ZDHHC3: variants seen among roughly 807,000 people sequenced by gnomAD.
ZDHHC3 encodes palmitoyltransferase ZDHHC3.
ZDHHC3 carries 9 observed loss-of-function variants against 30.6 expected under a neutral mutation model. The observed-to-expected ratio is 0.29, with a 90% confidence interval of 0.18 to 0.51. The LOEUF (loss-of-function observed/expected upper bound fraction) is 0.51, where lower values mean the gene tolerates loss of function less well. ZDHHC3 is among the 20% of genes least tolerant of loss of function. The pLI is 0.97. For missense variants in ZDHHC3, 246 were observed against 384.2 expected (o/e 0.64, Z 3.01); for synonymous variants, 136 against 140.2 (o/e 0.97, Z 0.21).
intron 2 of ZDHHC3, 153 bp from the exon 3 acceptor site, chr3:44,945,445 T>A (rs931544545): frequency 1.8e-6 from 2 of 1,123,454 alleles, no homozygotes; most frequent in Admixed American, 5.1e-5. Flanking sequence ...TGTTCAGAAT[T>A]ATGCCAACAT....
At chr3:44,939,592 A>C (rs1251696339) in intron 3 of ZDHHC3, among the ~76,000 whole-genome samples, 2 of 152,244 alleles carry the variant, frequency 1.3e-5, no homozygotes, top group African/African-American at 4.8e-5. Context: ...TATTTTTAAA[A>C]GGGTTTTCAA....
intron 2 of ZDHHC3, among the ~76,000 whole-genome samples, chr3:44,956,457 T>G (rs955338918): frequency 6.6e-6 from 1 of 152,162 alleles, no homozygotes; most frequent in African/African-American, 2.4e-5. Context: ...CTCTCCAATC[T>G]CTCTCCATTC....
At position 44,921,301 on chromosome 3, in the gene ZDHHC3, G is replaced by GT; in HGVS notation, c.*5387dup. The GT allele has an allele frequency of 1.0e-6, 1 of 985,384 alleles. No individual in the cohort carries two copies. The highest frequency in any genetic ancestry group is 1.2e-6 in the Non-Finnish European group (1 of 829,922). The allele number at this position is 985,384 out of a possible 1,614,324, so 61.0% of individuals were successfully genotyped here. On this transcript the variant is annotated 3_prime_UTR_variant, in exon 7 of 7. Coordinates refer to ENST00000424952, the MANE Select transcript of ZDHHC3 (RefSeq NM_001135179.2). ...GAGAACAGGCTGTTCCCTGCTCCCTGTATCATCAGATGTAGAAAGCCAGAG... is the reference window on the plus strand; with the variant it reads ...GAGAACAGGCTGTTCCCTGCTCCCTGTTATCATCAGATGTAGAAAGCCAGAG...
chr3:44,923,724 GC>G lies in ZDHHC3; in HGVS notation c.*2964del, dbSNP rs1312020515. 1.2e-6 allele frequency: 1 copy of G among 864,054 alleles called. No homozygotes were observed. Among genetic ancestry groups the G allele is most frequent in the Non-Finnish European group, 1.4e-6 (1 of 719,556 alleles). The allele number at this position is 864,054 out of a possible 1,614,324, so 53.5% of individuals were successfully genotyped here. A position where few individuals can be genotyped will look rare whatever the true frequency, so the allele number is the denominator to read the frequency against. The stretch of plus-strand genomic sequence containing the variant: ...AGGCCAAGGCACAAGAATCACTTGA[GC>G]CCAGGAGTTCAAGGCTGCAGTGAGC... On this transcript the variant is annotated 3_prime_UTR_variant, in exon 7 of 7. Transcript: ENST00000424952.
rs1700276080 is a variant in ZDHHC3, at chr3:44,917,684, T to A, written c.*9005A>T. ...TAGATGAACTCTGAGAAAGCCCCCA[T>A]CCTCCTCTGATGTCCCCAGCCTACT... On this transcript the variant is annotated 3_prime_UTR_variant, in exon 7 of 7. Transcript: ENST00000424952. 2.5e-6 allele frequency: 1 copy of A among 404,696 alleles called. No individual in the cohort carries two copies. Among genetic ancestry groups the A allele is most frequent in the Non-Finnish European group, 4.4e-6 (1 of 225,790 alleles). 25.1% of individuals were successfully genotyped at this position (404,696 alleles called of 1,614,324 possible). A position where few individuals can be genotyped will look rare whatever the true frequency, so the allele number is the denominator to read the frequency against.
At chr3:44,964,193 CA>C (rs1704729454) in intron 1 of ZDHHC3, among the ~76,000 whole-genome samples, 1 of 152,004 alleles carries the variant, frequency 6.6e-6, no homozygotes, top group Non-Finnish European at 1.5e-5. Flanking sequence ...ATGAATAGCA[CA>C]AAAAAGGGAC....
intron 1 of ZDHHC3, among the ~76,000 whole-genome samples, chr3:44,970,510 T>C (rs1705321211): frequency 6.6e-6 from 1 of 152,244 alleles, no homozygotes; most frequent in Non-Finnish European, 1.5e-5. Context: ...ATCACGCTGA[T>C]TGCTAGGGCC....
chr3:44,972,261 G>A (rs1289386220), intron 1 of ZDHHC3, among the ~76,000 whole-genome samples: 1 of 152,158 alleles, frequency 6.6e-6, no homozygotes, highest in African/African-American at 2.4e-5. Context: ...CCAGGAGTTC[G>A]AGACCAGCCT....
rs1700811524 is a variant in ZDHHC3 at position 44,924,199 on chromosome 3, C to T, written c.*2490G>A. 1 of 985,436 alleles carries T rather than the reference C, an allele frequency of 1.0e-6. No individual in the cohort carries two copies. Among genetic ancestry groups the T allele is most frequent in the African/African-American group, 1.7e-5 (1 of 57,362 alleles). The allele number at this position is 985,436 out of a possible 1,614,324, so 61.0% of individuals were successfully genotyped here. A position where few individuals can be genotyped will look rare whatever the true frequency, so the allele number is the denominator to read the frequency against. Reference sequence around the variant, plus strand: ...GGCTGACTTTGTGTAGAAAGATGTCCTCTTTCATTACATCCGGAAATACTG... The same window carrying T: ...GGCTGACTTTGTGTAGAAAGATGTCTTCTTTCATTACATCCGGAAATACTG... On this transcript the variant is annotated 3_prime_UTR_variant, in exon 7 of 7. Transcript: ENST00000424952.
chr3:44,915,355 C>T lies in ZDHHC3; in HGVS notation c.*11334G>A, dbSNP rs777706125. 1 of 152,204 alleles carries T rather than the reference C, an allele frequency of 6.6e-6. No homozygotes were observed. Among genetic ancestry groups the T allele is most frequent in the Non-Finnish European group, 1.5e-5 (1 of 68,054 alleles). The allele number at this position is 152,204 out of a possible 1,614,324, so 9.4% of individuals were successfully genotyped here. On this transcript the variant is annotated 3_prime_UTR_variant, in exon 7 of 7. Coordinates refer to ENST00000424952, the MANE Select transcript of ZDHHC3 (RefSeq NM_001135179.2). The stretch of plus-strand genomic sequence containing the variant: ...TCTCATCTGGTTTTGACATCAGTTG[C>T]AATGCTTTCAGTCTGAGGCTAAGCA...
chr3:44,917,638 C>T lies in ZDHHC3; in HGVS notation c.*9051G>A, dbSNP rs1700272498. 6.3e-6 allele frequency: 2 copies of T among 316,624 alleles called. No individual in the cohort carries two copies. Among genetic ancestry groups the T allele is most frequent in the African/African-American group, 2.2e-5 (1 of 46,286 alleles). 19.6% of individuals were successfully genotyped at this position (316,624 alleles called of 1,614,324 possible). On this transcript the variant is annotated 3_prime_UTR_variant, in exon 7 of 7. Transcript: ENST00000424952. ...TCTTGGAGAACGGTTCTTGATGAGCCGTCTCAGTGCAGACTCTTCTTAGAT... is the reference window on the plus strand; with the variant it reads ...TCTTGGAGAACGGTTCTTGATGAGCTGTCTCAGTGCAGACTCTTCTTAGAT...
intron 2 of ZDHHC3, among the ~76,000 whole-genome samples, chr3:44,945,954 C>T (rs563137534): frequency 6.6e-6 from 1 of 152,258 alleles, no homozygotes; most frequent in Admixed American, 6.5e-5. Context: ...TCCATTCTCT[C>T]CTATATAACA....
At chr3:44,966,461 G>C (rs570929944) in intron 1 of ZDHHC3, among the ~76,000 whole-genome samples, 1 of 152,042 alleles carries the variant, frequency 6.6e-6, no homozygotes, top group Non-Finnish European at 1.5e-5. Context: ...ACTGAAAGAG[G>C]GTAGCATCTT....
chr3:44,975,630 C>T (rs568397581), intron 1 of ZDHHC3: 2 of 152,406 alleles, frequency 1.3e-5, no homozygotes, highest in East Asian at 3.9e-4. Flanking sequence ...CCAAGAACTA[C>T]CTAGGGAGGG....
In ZDHHC3 at chr3:44,922,596, A is replaced by T; in HGVS notation, c.*4093T>A. ...ACCCCAACTGCACTATGCTGAGCCC[A>T]GCAGCACACAAGACCCATATCACCA... is the stretch of plus-strand genomic sequence containing the variant. On this transcript the variant is annotated 3_prime_UTR_variant, in exon 7 of 7. Transcript: ENST00000424952. 6.1e-6 allele frequency: 6 copies of T among 985,400 alleles called. No individual in the cohort carries two copies. The highest frequency in any genetic ancestry group is 7.2e-6 in the Non-Finnish European group (6 of 829,926). The allele number at this position is 985,400 out of a possible 1,614,324, so 61.0% of individuals were successfully genotyped here.
intron 2 of ZDHHC3, among the ~76,000 whole-genome samples, chr3:44,952,865 A>T (rs1263408981): frequency 6.6e-6 from 1 of 152,234 alleles, no homozygotes; most frequent in Non-Finnish European, 1.5e-5. Flanking sequence ...CACAGCTTGT[A>T]TGTATAGTAT....
At chr3:44,929,705 A>G (rs1701321192) in intron 5 of ZDHHC3, among the ~76,000 whole-genome samples, 1 of 152,124 alleles carries the variant, frequency 6.6e-6, no homozygotes, top group South Asian at 2.1e-4. Flanking sequence ...CACTGCCCCC[A>G]GTGCCAAGCA....
Position 44,916,534 on chromosome 3 carries a change from C to A in ZDHHC3, c.*10155G>T, listed in dbSNP as rs1359240120. 6.6e-6 allele frequency: 1 copy of A among 152,454 alleles called. No individual in the cohort carries two copies. Among genetic ancestry groups the A allele is most frequent in the Non-Finnish European group, 1.5e-5 (1 of 68,240 alleles). 9.4% of individuals were successfully genotyped at this position (152,454 alleles called of 1,614,324 possible). On this transcript the variant is annotated 3_prime_UTR_variant, in exon 7 of 7. Transcript: ENST00000424952. ...GGGGGGCCCTAACACTGAGGTCTTG[C>A]AGGGGCATGCTCTGCTGAGTGCCTG...
At chr3:44,934,623 C>A (rs935352106) in intron 3 of ZDHHC3, among the ~76,000 whole-genome samples, 2 of 149,406 alleles carry the variant, frequency 1.3e-5, no homozygotes, top group Admixed American at 1.3e-4. Context: ...TGAGTCCAGG[C>A]GCAGTGGCCT....
Sources: gnomAD v4.1 joint callset for allele counts (sites outside exome capture counted in the v4.1 genomes callset) on GRCh38, gnomAD v4.1.1 for gene constraint, MANE v1.5 for transcripts, NCBI Gene and HGNC (gene_info 2026-07-23, HGNC 2026-07-21) for gene names.